The following MARCHF1 variants were observed in gnomAD, a reference collection of about 807,000 sequenced individuals.
MARCHF1 encodes the protein membrane associated ring-CH-type finger 1.
MARCHF1 carries 40 observed loss-of-function variants against 54.2 expected under a neutral mutation model. The ratio of observed to expected loss-of-function variants is 0.74; its 90% confidence interval spans 0.57 to 0.96. MARCHF1 has a LOEUF of 0.96. Among genes scored for constraint, MARCHF1 ranks in the 40% least tolerant of loss-of-function variants. MARCHF1 has a pLI of 0.00. For synonymous variants in MARCHF1, 236 were observed against 236.3 expected, an observed-to-expected ratio of 1.00 and a Z score of 0.01; for missense variants, 586 against 656.5, an observed-to-expected ratio of 0.89 and a Z score of 1.17.
intron 3 of MARCHF1, among the ~76,000 whole-genome samples, chr4:163,960,814 T>TA (rs70948681): frequency 0.19 from 25,590 of 134,440 alleles, 2,423 homozygotes; most frequent in South Asian, 0.31. Context: ...AAATAAAAGA[T>TA]AAAAAAAAAA....
intron 4 of MARCHF1, among the ~76,000 whole-genome samples, chr4:163,765,515 C>A (rs1021425148): frequency 2.0e-5 from 3 of 152,078 alleles, no homozygotes; most frequent in South Asian, 2.1e-4. Context: ...TAAATTAAGG[C>A]ATTCTGTGAA....
At position 164,039,268 on chromosome 4, in the gene MARCHF1, G is replaced by A. The variant is rs563936303; in HGVS notation, c.-247-50559C>T. On this transcript the variant is annotated intron_variant, in intron 2 of 9. Transcript: ENST00000514618. ...TTCAAAAACAATAATAGGAACCACA[G>A]GCTTGGTGTAGAACTTGACACTCCT... Among the ~76,000 whole-genome samples, 4 of 152,264 alleles carry A rather than the reference G, an allele frequency of 2.6e-5. No individual in the cohort carries two copies. In the East Asian group the frequency reaches 7.7e-4, roughly 29 times the overall value.
At chr4:163,539,727 G>A (rs546520621) in intron 9 of MARCHF1, among the ~76,000 whole-genome samples, 6 of 152,254 alleles carry the variant, frequency 3.9e-5, no homozygotes, top group Admixed American at 1.3e-4. Context: ...AATTCCCTTC[G>A]TCAGGAGAAA....
Position 163,545,955 on chromosome 4 carries a change from G to A in MARCHF1, c.1192-212C>T, listed in dbSNP as rs13136490. The stretch of plus-strand genomic sequence containing the variant: ...ATATAACTTAAATACATATGTGTGT[G>A]TGTGTGTGTGTGTGTGTGTGTGTGT... On this transcript the variant is annotated intron_variant, in intron 8 of 9. Coordinates refer to ENST00000514618, the MANE Select transcript of MARCHF1 (RefSeq NM_001394959.1). 3.7e-4 allele frequency among the ~76,000 whole-genome samples: 25 copies of A among 68,400 alleles called. 1 individual carries two copies. Among genetic ancestry groups the A allele is most frequent in the Admixed American group, 1.8e-3 (9 of 4,976 alleles). 44.9% of individuals were successfully genotyped at this position (68,400 alleles called of 152,430 possible). A position where few individuals can be genotyped will look rare whatever the true frequency, so the allele number is the denominator to read the frequency against.
chr4:164,040,468 G>A (rs1754105031), intron 2 of MARCHF1, among the ~76,000 whole-genome samples: 1 of 146,740 alleles, frequency 6.8e-6, no homozygotes, highest in African/African-American at 2.5e-5. Flanking sequence ...ATATATATTT[G>A]TAAATGTATA....
intron 2 of MARCHF1, among the ~76,000 whole-genome samples, chr4:164,061,599 T>G (rs1754616888): frequency 6.7e-6 from 1 of 149,854 alleles, no homozygotes; most frequent in Non-Finnish European, 1.5e-5. Context: ...AGTTAATGGG[T>G]GCAGCACACC....
At chr4:164,257,873 G>C (rs926905246) in intron 1 of MARCHF1, among the ~76,000 whole-genome samples, 1 of 152,124 alleles carries the variant, frequency 6.6e-6, no homozygotes, top group African/African-American at 2.4e-5. Flanking sequence ...GGGGGCTGAG[G>C]CAGGAAAATT....
chr4:163,723,766 C>A (rs376610725), intron 4 of MARCHF1, among the ~76,000 whole-genome samples: 31 of 152,288 alleles, frequency 2.0e-4, no homozygotes, highest in Admixed American at 1.2e-3. Context: ...CGCTTCATTT[C>A]GTTCATTTGA....
intron 1 of MARCHF1, among the ~76,000 whole-genome samples, chr4:164,176,138 T>C (rs571311702): frequency 6.6e-6 from 1 of 152,272 alleles, no homozygotes; most frequent in South Asian, 2.1e-4. Context: ...GTATTATTAG[T>C]ATGGCCTGAA....
intron 5 of MARCHF1, among the ~76,000 whole-genome samples, chr4:163,624,449 C>T (rs1170666970): frequency 6.6e-6 from 1 of 152,196 alleles, no homozygotes; most frequent in African/African-American, 2.4e-5. Flanking sequence ...TTGACTTCTC[C>T]TCCTTTACTG....
chr4:163,889,853 TTAAA>T (rs1750616109), intron 3 of MARCHF1, among the ~76,000 whole-genome samples: 2 of 139,892 alleles, frequency 1.4e-5, no homozygotes, highest in African/African-American at 2.6e-5. Flanking sequence ...TACCTGCAGA[TTAAA>T]AAAAAAAAAT....
Position 163,556,414 on chromosome 4 carries a change from A to G in MARCHF1, c.1192-10671T>C, listed in dbSNP as rs139986053. On this transcript the variant is annotated intron_variant, in intron 8 of 9. Coordinates refer to ENST00000514618, the MANE Select transcript of MARCHF1 (RefSeq NM_001394959.1). ...AATCTTTTTGGAACCGTCTATTTGT[A>G]TCTACCCACAGTAAGCTCATCTACT... Among the ~76,000 whole-genome samples, 13 of 152,284 alleles carry G rather than the reference A, an allele frequency of 8.5e-5. No individual in the cohort carries two copies. In the East Asian group the frequency reaches 2.3e-3, roughly 27 times the overall value.
intron 8 of MARCHF1, among the ~76,000 whole-genome samples, chr4:163,554,358 G>T (rs1739215331): frequency 6.6e-6 from 1 of 152,198 alleles, no homozygotes; most frequent in South Asian, 2.1e-4. Context: ...CAAATGCAAA[G>T]GTATTAGTAG....
intron 1 of MARCHF1, among the ~76,000 whole-genome samples, chr4:164,372,388 T>C (rs1731059386): frequency 6.6e-6 from 1 of 152,174 alleles, no homozygotes; most frequent in Non-Finnish European, 1.5e-5. Context: ...ACACAGCATA[T>C]TACATATTTA....
intron 1 of MARCHF1, among the ~76,000 whole-genome samples, chr4:164,343,421 A>C (rs933391413): frequency 1.3e-5 from 2 of 152,192 alleles, no homozygotes; most frequent in African/African-American, 4.8e-5. Flanking sequence ...TAAACTATCA[A>C]CAGACAACCT....
chr4:163,581,730 A>G (rs951475911), intron 8 of MARCHF1, among the ~76,000 whole-genome samples: 2 of 152,364 alleles, frequency 1.3e-5, no homozygotes, highest in Non-Finnish European at 2.9e-5. Flanking sequence ...GTGGAAAAGT[A>G]GAAATACCAA....
At chr4:164,018,634 A>G (rs942224342) in intron 2 of MARCHF1, among the ~76,000 whole-genome samples, 3 of 152,170 alleles carry the variant, frequency 2.0e-5, no homozygotes, top group African/African-American at 7.2e-5. Context: ...ATACCACTAC[A>G]TAACCCATTA....
chr4:163,907,603 G>A (rs1751097574), intron 3 of MARCHF1, among the ~76,000 whole-genome samples: 1 of 151,992 alleles, frequency 6.6e-6, no homozygotes, highest in Non-Finnish European at 1.5e-5. Context: ...CTTCTCAGTT[G>A]AATTTTTAAT....
At chr4:163,893,731 A>T (rs1750715018) in intron 3 of MARCHF1, among the ~76,000 whole-genome samples, 1 of 152,204 alleles carries the variant, frequency 6.6e-6, no homozygotes, top group South Asian at 2.1e-4. Flanking sequence ...GTGTCTTTTG[A>T]ATAAATGCAT....
Sources: allele counts gnomAD v4.1 joint callset (sites outside exome capture counted in the v4.1 genomes callset), GRCh38; gene constraint gnomAD v4.1.1; transcripts MANE v1.5; gene names NCBI Gene and HGNC (gene_info 2026-07-23, HGNC 2026-07-21).